The following ASS1 variants were observed in gnomAD, a reference collection of about 807,000 sequenced individuals.
ASS1 encodes argininosuccinate synthase.
Under a neutral mutation model 60.5 loss-of-function variants are expected in ASS1, and 58 were observed. That is an observed-to-expected ratio of 0.96 (90% CI 0.78 to 1.19). ASS1 has a LOEUF of 1.19. Among genes scored for constraint, ASS1 ranks in the 50% most tolerant of loss-of-function variants. The pLI is 0.00. For synonymous variants in ASS1, 200 were observed against 206.9 expected, an observed-to-expected ratio of 0.97 and a Z score of 0.29; for missense variants, 454 against 547.3, an observed-to-expected ratio of 0.83 and a Z score of 1.70.
chr9:130,458,378 C>G lies in ASS1; in HGVS notation c.175-23C>G, dbSNP rs764878239. 1.4e-5 allele frequency: 23 copies of G among 1,611,838 alleles called. No individual in the cohort carries two copies. In the Admixed American group the frequency reaches 3.5e-4, roughly 25 times the overall value. On this transcript the variant is annotated intron_variant, in intron 3 of 14. Coordinates refer to ENST00000352480, the MANE Select transcript of ASS1 (RefSeq NM_054012.4). ...GGCCCCTGTCCTTGCCTACTTCTTC[C>G]TTCTGGGCTCCTCTTCCCGTAGGTG...
chr9:130,485,989 T>G (rs896601647), intron 11 of ASS1, among the ~76,000 whole-genome samples: 1 of 152,204 alleles, frequency 6.6e-6, no homozygotes, highest in Admixed American at 6.5e-5. Context: ...CATCATGTTT[T>G]GTTTTGTTTC....
chr9:130,475,748 T>G (rs1483513710), intron 8 of ASS1, among the ~76,000 whole-genome samples: 2 of 150,112 alleles, frequency 1.3e-5, no homozygotes, highest in African/African-American at 2.4e-5. Flanking sequence ...GGTGTTTTTT[T>G]TTTTTTTTTT....
At chr9:130,454,001 T>C (rs1845381153) in intron 2 of ASS1, among the ~76,000 whole-genome samples, 1 of 152,216 alleles carries the variant, frequency 6.6e-6, no homozygotes, top group Non-Finnish European at 1.5e-5. Flanking sequence ...CCCTAGACCT[T>C]CCAGCAATGA....
chr9:130,479,708 C>T lies in ASS1; in HGVS notation c.689-8C>T, dbSNP rs1846118814. 6.2e-7 allele frequency: 1 copy of T among 1,612,742 alleles called. No homozygotes were observed. The highest frequency in any genetic ancestry group is 1.3e-5 in the African/African-American group (1 of 74,898). On this transcript the variant is annotated splice_polypyrimidine_tract_variant and splice_region_variant and intron_variant, in intron 9 of 14. Coordinates refer to ENST00000352480, the MANE Select transcript of ASS1 (RefSeq NM_054012.4). ...CCAGAGGCCCACTGCCCTCTCTTCCCACCCTAGGGGTCCCTGTGAAGGTGA... is the reference window on the plus strand; with the variant it reads ...CCAGAGGCCCACTGCCCTCTCTTCCTACCCTAGGGGTCCCTGTGAAGGTGA...
At chr9:130,492,519 C>G (rs1402626658) in intron 12 of ASS1, among the ~76,000 whole-genome samples, 1 of 152,200 alleles carries the variant, frequency 6.6e-6, no homozygotes, top group African/African-American at 2.4e-5. Context: ...CCTCTCCCAC[C>G]ATTCCCAAAT....
Position 130,500,965 on chromosome 9 carries a change from C to A in ASS1, c.1194-11C>A. Reference sequence around the variant, plus strand: ...ATTTACATTTTTCTTTGTTTTGAATCTGGTTTACAGGCTGAAGGAATATCA... The same window carrying A: ...ATTTACATTTTTCTTTGTTTTGAATATGGTTTACAGGCTGAAGGAATATCA... On this transcript the variant is annotated splice_polypyrimidine_tract_variant and intron_variant, in intron 14 of 14. Transcript: ENST00000352480. 1.2e-6 allele frequency: 2 copies of A among 1,613,374 alleles called. No individual in the cohort carries two copies. Among genetic ancestry groups the A allele is most frequent in the Non-Finnish European group, 8.5e-7 (1 of 1,179,516 alleles).
intron 8 of ASS1, among the ~76,000 whole-genome samples, chr9:130,472,206 T>G (rs577738928): frequency 1.3e-5 from 2 of 152,182 alleles, no homozygotes; most frequent in Admixed American, 1.3e-4. Context: ...CCGGGGAGGC[T>G]GGTTTGGAGG....
intron 5 of ASS1, among the ~76,000 whole-genome samples, chr9:130,465,056 A>ATTTTTTTTT (rs796874986): frequency 8.3e-6 from 1 of 120,150 alleles, no homozygotes; most frequent in African/African-American, 3.6e-5. Context: ...ATATATATAT[A>ATTTTTTTTT]TTTTTTTTTT....
Position 130,452,225 on chromosome 9 carries a change from C to G in ASS1, c.-4C>G, listed in dbSNP as rs138350285. Reference sequence around the variant, plus strand: ...AGGTTGTTCCTCGACTCCCGCCAGACGCTATGTCCAGCAAAGGCTCCGTGG... The same window carrying G: ...AGGTTGTTCCTCGACTCCCGCCAGAGGCTATGTCCAGCAAAGGCTCCGTGG... On this transcript the variant is annotated splice_region_variant and 5_prime_UTR_variant, in exon 2 of 15. Transcript: ENST00000352480. 1 of 1,613,934 alleles carries G rather than the reference C, an allele frequency of 6.2e-7. No homozygotes were observed. The highest frequency in any genetic ancestry group is 8.5e-7 in the Non-Finnish European group (1 of 1,179,964).
intron 11 of ASS1, 93 bp downstream of exon 11, chr9:130,480,542 C>T: frequency 2.1e-6 from 3 of 1,401,814 alleles, no homozygotes; most frequent in Admixed American, 3.8e-5. Context: ...CTACTACCCC[C>T]ATGCTCCGTG....
intron 13 of ASS1, among the ~76,000 whole-genome samples, chr9:130,498,719 G>T (rs1465564014): frequency 6.6e-6 from 1 of 152,220 alleles, no homozygotes; most frequent in Non-Finnish European, 1.5e-5. Flanking sequence ...CCGAGTGCAG[G>T]AATACTGGCC....
intron 8 of ASS1, among the ~76,000 whole-genome samples, chr9:130,472,897 A>G (rs1223295814): frequency 6.6e-6 from 1 of 152,176 alleles, no homozygotes; most frequent in Non-Finnish European, 1.5e-5. Context: ...GGCCTCTGCA[A>G]GCAGCCTATG....
chr9:130,480,322 C>G, intron 10 of ASS1, 63 bp from the exon 11 acceptor site: 2 of 1,591,806 alleles, frequency 1.3e-6, no homozygotes, highest in Admixed American at 3.3e-5. Context: ...GACAGCCCAG[C>G]TGGGTGGGTG....
intron 3 of ASS1, among the ~76,000 whole-genome samples, chr9:130,456,226 C>G (rs1334313726): frequency 6.6e-6 from 1 of 152,072 alleles, no homozygotes; most frequent in South Asian, 2.1e-4. Flanking sequence ...AGCACTTTGG[C>G]AGGCTGAGGC....
intron 7 of ASS1, 59 bp from the exon 8 acceptor site, chr9:130,471,426 G>A: frequency 6.3e-7 from 1 of 1,589,932 alleles, no homozygotes; most frequent in East Asian, 2.2e-5. Flanking sequence ...GTGTGTTGGG[G>A]GATGGGGACA....
At chr9:130,465,137 C>T (rs998926042) in intron 5 of ASS1, among the ~76,000 whole-genome samples, 2 of 150,918 alleles carry the variant, frequency 1.3e-5, no homozygotes, top group Non-Finnish European at 2.9e-5. Context: ...CAACCTCTGC[C>T]TCCCAAGTTC....
chr9:130,484,369 G>C (rs12005118), intron 11 of ASS1, among the ~76,000 whole-genome samples: 21,453 of 151,804 alleles, frequency 0.14, 1,648 homozygotes, highest in Middle Eastern at 0.17. Flanking sequence ...TAGCTGTTTG[G>C]TTCCCACCTC....
chr9:130,447,328 A>T (rs1414559556), intron 1 of ASS1, among the ~76,000 whole-genome samples: 1 of 152,256 alleles, frequency 6.6e-6, no homozygotes, highest in Non-Finnish European at 1.5e-5. Context: ...CTTTGTAAAT[A>T]GGTGGTAATG....
chr9:130,484,106 C>A (rs1846242069), intron 11 of ASS1, among the ~76,000 whole-genome samples: 1 of 152,170 alleles, frequency 6.6e-6, no homozygotes, highest in Non-Finnish European at 1.5e-5. Flanking sequence ...GGCCTCCCAT[C>A]ACCATGGCAA....
Sources: allele counts gnomAD v4.1 joint callset (sites outside exome capture counted in the v4.1 genomes callset), GRCh38; gene constraint gnomAD v4.1.1; transcripts MANE v1.5; gene names NCBI Gene and HGNC (gene_info 2026-07-23, HGNC 2026-07-21).